The following EPHA5 variants were observed in gnomAD, a reference collection of about 807,000 sequenced individuals.
The protein encoded by EPHA5 is ephrin type-A receptor 5.
A neutral mutation model predicts 105.0 loss-of-function variants in EPHA5; 60 were observed. The ratio of observed to expected loss-of-function variants is 0.57; its 90% CI spans 0.46 to 0.71. EPHA5 has a LOEUF of 0.71. Among genes scored for constraint, EPHA5 ranks in the 30% least tolerant of loss-of-function variants. The pLI, the probability that EPHA5 is intolerant of heterozygous loss-of-function variation, is 0.00. For synonymous variants in EPHA5, 513 were observed against 449.1 expected (o/e 1.14, Z -1.80); for missense variants, 1,218 against 1,274.7 (o/e 0.96, Z 0.68).
intron 5 of EPHA5, among the ~76,000 whole-genome samples, chr4:65,422,174 A>C (rs1724006924): frequency 6.6e-6 from 1 of 152,112 alleles, no homozygotes; most frequent in Non-Finnish European, 1.5e-5. Context: ...GTTTAGAATG[A>C]GGGGAGAAGA....
chr4:65,373,903 TAAGAAATGC>T (rs61185063), intron 8 of EPHA5, among the ~76,000 whole-genome samples: 19,696 of 151,758 alleles, frequency 0.13, 1,454 homozygotes, highest in East Asian at 0.28. Context: ...AATTTGAATT[TAAGAAATGC>T]AAGAAATGGC....
At chr4:65,425,628 A>G (rs1016648737) in intron 5 of EPHA5, among the ~76,000 whole-genome samples, 4 of 151,706 alleles carry the variant, frequency 2.6e-5, no homozygotes, top group African/African-American at 4.8e-5. Flanking sequence ...ACTATTTTAA[A>G]AATAATAATT....
At chr4:65,573,664 A>G in intron 3 of EPHA5, 1 of 1,601,252 alleles carries the variant, frequency 6.2e-7, no homozygotes, top group East Asian at 2.2e-5. Flanking sequence ...AAGGCCATGT[A>G]CAAGAGGAAG....
intron 5 of EPHA5, among the ~76,000 whole-genome samples, chr4:65,473,145 C>T (rs1729452907): frequency 6.6e-6 from 1 of 152,174 alleles, no homozygotes; most frequent in African/African-American, 2.4e-5. Context: ...GTGACCACCT[C>T]ATACTGGACT....
chr4:65,594,319 C>A (rs1212336747), intron 3 of EPHA5, among the ~76,000 whole-genome samples: 1 of 152,052 alleles, frequency 6.6e-6, no homozygotes, highest in Non-Finnish European at 1.5e-5. Flanking sequence ...GACATTTCAA[C>A]ATAAAATATA....
chr4:65,369,241 G>T (rs908857853), intron 8 of EPHA5, among the ~76,000 whole-genome samples: 1 of 152,154 alleles, frequency 6.6e-6, no homozygotes, highest in Admixed American at 6.5e-5. Context: ...TTTGGAGAGG[G>T]AATGTGCTGA....
intron 5 of EPHA5, among the ~76,000 whole-genome samples, chr4:65,475,185 T>C (rs977032867): frequency 6.6e-6 from 1 of 152,192 alleles, no homozygotes; most frequent in African/African-American, 2.4e-5. Flanking sequence ...TATTATTCAA[T>C]TTTTTAATTC....
At chr4:65,367,566 G>A in intron 8 of EPHA5, 142 bp from the exon 9 acceptor site, 1 of 710,248 alleles carries the variant, frequency 1.4e-6, no homozygotes, top group Non-Finnish European at 2.4e-6. Context: ...GCCAATACTA[G>A]TAGTTTGGAT....
chr4:65,365,456 CACTT>C (rs1717779453), intron 10 of EPHA5, among the ~76,000 whole-genome samples: 4 of 150,838 alleles, frequency 2.7e-5, no homozygotes, highest in African/African-American at 9.7e-5. Context: ...TCCTCTATCT[CACTT>C]ACAAAAACCT....
chr4:65,359,692 T>C (rs1717088132), intron 11 of EPHA5, among the ~76,000 whole-genome samples: 2 of 151,560 alleles, frequency 1.3e-5, no homozygotes, highest in Non-Finnish European at 3.0e-5. Context: ...CACTACCCTC[T>C]ACCATGCTAG....
chr4:65,403,183 A>G (rs932907909), intron 8 of EPHA5, among the ~76,000 whole-genome samples: 1 of 152,248 alleles, frequency 6.6e-6, no homozygotes, highest in East Asian at 1.9e-4. Context: ...ATAATTTGCA[A>G]TATTTTATAA....
chr4:65,574,709 C>CATATATATATACATATATATACATATAT (rs1350359351), intron 3 of EPHA5, among the ~76,000 whole-genome samples: 11 of 67,784 alleles, frequency 1.6e-4, no homozygotes, highest in African/African-American at 5.6e-4. Flanking sequence ...CATATATATA[C>CATATATATATACATATATATACATATAT]ATATATATAT....
intron 5 of EPHA5, among the ~76,000 whole-genome samples, chr4:65,436,680 C>G (rs1004020869): frequency 6.6e-6 from 1 of 151,914 alleles, no homozygotes; most frequent in Non-Finnish European, 1.5e-5. Flanking sequence ...ATTTTGAAAT[C>G]TACATGTTTG....
chr4:65,555,021 T>G, intron 3 of EPHA5, among the ~76,000 whole-genome samples: 1 of 148,206 alleles, frequency 6.7e-6, no homozygotes, highest in Non-Finnish European at 1.5e-5. Flanking sequence ...AAGTACATGT[T>G]TTTGTCAGTT....
chr4:65,664,079 G>A (rs765069189), intron 1 of EPHA5, among the ~76,000 whole-genome samples: 1 of 151,796 alleles, frequency 6.6e-6, no homozygotes, highest in Non-Finnish European at 1.5e-5. Flanking sequence ...CTCATGAACT[G>A]AATACAAACA....
rs2149441038 is a variant in EPHA5, at chr4:65,602,151, G to C, written c.400C>G (p.Leu134Val). ...SRIFIELKFT[L>V]RDCNSLPGGL... ...CCAGGAAGGCTGTTGCAGTCCCGCA[G>C]GGTAAATTTGAGTTCTATGAAGATT... Residue 134 changes from leucine (L) to valine (V), a missense_variant, in exon 3 of 17, where the codon CTG becomes GTG. This residue lies in a region of EPHA5 where 233 missense variants were observed against 227.5 expected (regional missense o/e 1.02). Coordinates refer to ENST00000613740, the MANE Select transcript of EPHA5 (RefSeq NM_001281766.3). 6.2e-7 allele frequency: 1 copy of C among 1,614,056 alleles called. No homozygotes were observed. The highest frequency in any genetic ancestry group is 1.7e-5 in the Admixed American group (1 of 60,004).
chr4:65,459,144 C>T (rs1343858452), intron 5 of EPHA5, among the ~76,000 whole-genome samples: 1 of 152,000 alleles, frequency 6.6e-6, no homozygotes, highest in Non-Finnish European at 1.5e-5. Flanking sequence ...GTGTTACACA[C>T]ATTCAAGGGA....
intron 8 of EPHA5, among the ~76,000 whole-genome samples, chr4:65,389,061 A>G (rs1720434527): frequency 6.6e-6 from 1 of 152,048 alleles, no homozygotes; most frequent in African/African-American, 2.4e-5. Context: ...GTATGATTAC[A>G]TAGAAATTAA....
Position 65,404,383 on chromosome 4 carries a change from A to G in EPHA5, c.1784T>C (p.Leu595Pro). 3 of 1,613,094 alleles carry G rather than the reference A, an allele frequency of 1.9e-6. No individual in the cohort carries two copies. Among genetic ancestry groups the G allele is most frequent in the Non-Finnish European group, 2.5e-6 (3 of 1,179,252 alleles). Reference sequence around the variant, plus strand: ...CAGCTTCCTCTCTTACCTTCCACTGAGGAGGACGCCGATAACCACTGCCAA... The same window carrying G: ...CAGCTTCCTCTCTTACCTTCCACTGGGGAGGACGCCGATAACCACTGCCAA... ...ILLAVVIGVL[L>P]SGRRCGYSKA... Residue 595 changes from leucine to proline, a missense_variant, in exon 8 of 17, where the codon CTC becomes CCC. Transcript: ENST00000613740.
Sources: gnomAD v4.1 joint callset for allele counts (sites outside exome capture counted in the v4.1 genomes callset) on GRCh38, gnomAD v4.1.1 for gene constraint, gnomAD v4.1.1 regional missense constraint, MANE v1.5 for transcripts, NCBI Gene and HGNC (gene_info 2026-07-23, HGNC 2026-07-21) for gene names.